The following WDPCP variants were observed in gnomAD, a reference collection of about 807,000 sequenced individuals.
WDPCP encodes the protein WD repeat containing planar cell polarity effector.
In WDPCP, 71 loss-of-function variants were observed where a neutral mutation model predicts 93.1. The observed-to-expected ratio is 0.76, with a 90% confidence interval of 0.63 to 0.93. The LOEUF (loss-of-function observed/expected upper bound fraction) is 0.93, where lower values mean the gene tolerates loss of function less well. Among genes scored for constraint, WDPCP ranks in the 40% least tolerant of loss-of-function variants. WDPCP has a pLI of 0.00. For missense variants in WDPCP, 844 were observed against 887.4 expected, an observed-to-expected ratio of 0.95 and a Z score of 0.62; for synonymous variants, 315 against 315.0, an observed-to-expected ratio of 1.00 and a Z score of 0.00.
intron 2 of WDPCP, chr2:63,717,100 A>G: frequency 3.2e-6 from 1 of 314,348 alleles, no homozygotes; most frequent in South Asian, 3.0e-5. Context: ...TTCTGTCTCC[A>G]CTATATTCTG....
At chr2:63,734,048 G>A (rs374105447) in intron 2 of WDPCP, among the ~76,000 whole-genome samples, 2 of 152,110 alleles carry the variant, frequency 1.3e-5, no homozygotes, top group East Asian at 3.8e-4. Flanking sequence ...TGTTTTTAAT[G>A]TCCATCCATG....
At chr2:63,597,665 T>C in intron 3 of WDPCP, 2 of 1,149,604 alleles carry the variant, frequency 1.7e-6, no homozygotes, top group South Asian at 3.6e-5. Context: ...TTATTTGCCC[T>C]TTTTTCTAGT....
chr2:63,585,019 G>T (rs1183395116), intron 1 of WDPCP, among the ~76,000 whole-genome samples: 1 of 152,148 alleles, frequency 6.6e-6, no homozygotes, highest in Admixed American at 6.5e-5. Context: ...ACTACGTAAT[G>T]ATCATGATTA....
intron 14 of WDPCP, among the ~76,000 whole-genome samples, chr2:63,219,912 G>T (rs1677672694): frequency 6.6e-6 from 1 of 152,056 alleles, no homozygotes; most frequent in Admixed American, 6.5e-5. Flanking sequence ...TGAGGCAGAA[G>T]AATCGCTTGA....
intron 14 of WDPCP, among the ~76,000 whole-genome samples, chr2:63,215,139 G>C (rs1173729831): frequency 6.6e-6 from 1 of 152,024 alleles, no homozygotes; most frequent in African/African-American, 2.4e-5. Flanking sequence ...AGTTCACATG[G>C]AACCAAAAAA....
chr2:63,211,413 G>A (rs1427116088), intron 14 of WDPCP, among the ~76,000 whole-genome samples: 1 of 152,068 alleles, frequency 6.6e-6, no homozygotes, highest in Non-Finnish European at 1.5e-5. Flanking sequence ...ACTTTTAGAA[G>A]GAAAACTAAC....
chr2:63,664,295 C>T (rs2106635018), intron 2 of WDPCP, among the ~76,000 whole-genome samples: 1 of 152,250 alleles, frequency 6.6e-6, no homozygotes, highest in Admixed American at 6.5e-5. Context: ...GGAAGAATGT[C>T]CAGGAAGATA....
chr2:63,344,165 T>C (rs1689034642), intron 12 of WDPCP, among the ~76,000 whole-genome samples: 1 of 152,336 alleles, frequency 6.6e-6, no homozygotes, highest in East Asian at 1.9e-4. Context: ...TGGTTTGCTA[T>C]TGTTACTGCT....
At chr2:63,543,252 CAT>C (rs1451506037) in intron 1 of WDPCP, among the ~76,000 whole-genome samples, 2 of 152,068 alleles carry the variant, frequency 1.3e-5, no homozygotes, top group Admixed American at 6.6e-5. Context: ...AGAAAAATAA[CAT>C]ATACGAATAC....
chr2:63,335,426 A>ATTT (rs34221663), intron 12 of WDPCP, among the ~76,000 whole-genome samples: 4,493 of 146,912 alleles, frequency 0.031, 196 homozygotes, highest in African/African-American at 0.096. Flanking sequence ...AGAATGAAAG[A>ATTT]TTTTTTTTTT....
At chr2:63,484,482 A>G (rs1700447724) in intron 6 of WDPCP, 122 bp downstream of exon 6, 3 of 1,061,278 alleles carry the variant, frequency 2.8e-6, no homozygotes, top group Non-Finnish European at 4.2e-6. Flanking sequence ...AATTCAAACT[A>G]TGAAATAACC....
intron 3 of WDPCP, among the ~76,000 whole-genome samples, chr2:63,594,028 C>T (rs1428180395): frequency 2.6e-5 from 4 of 152,272 alleles, no homozygotes; most frequent in Non-Finnish European, 4.4e-5. Context: ...AGTTGAAGCA[C>T]GATTAATTGT....
In WDPCP at chr2:63,533,624, G is replaced by A. The variant is rs1005662964; in HGVS notation, c.76-40684C>T. On this transcript the variant is annotated intron_variant, in intron 1 of 17. Transcript: ENST00000272321. ...CCTAAATAACTACTGGGTACATAAC[G>A]AAATGAAGGCAGAAATAAAGATGTG... Among the ~76,000 whole-genome samples the A allele has an allele frequency of 5.9e-5, 9 of 152,088 alleles. No homozygotes were observed. The East Asian group carries it at 7.7e-4, about 13-fold the overall frequency.
chr2:63,531,129 G>A (rs750177943), intron 1 of WDPCP, among the ~76,000 whole-genome samples: 3 of 152,242 alleles, frequency 2.0e-5, no homozygotes, highest in Non-Finnish European at 4.4e-5. Context: ...AGGCAGCAAC[G>A]AGGCTGGGGG....
At chr2:63,318,835 A>G (rs935074691) in intron 12 of WDPCP, among the ~76,000 whole-genome samples, 2 of 152,192 alleles carry the variant, frequency 1.3e-5, no homozygotes, top group South Asian at 2.1e-4. Context: ...TAGCATAGTT[A>G]TTCTGGGTGA....
intron 2 of WDPCP, chr2:63,717,525 G>T: frequency 2.1e-6 from 1 of 473,024 alleles, no homozygotes; most frequent in South Asian, 1.6e-5. Flanking sequence ...ACAAACTCAG[G>T]ACAGGTTGTC....
chr2:63,314,799 A>C (rs1295563177), intron 12 of WDPCP, among the ~76,000 whole-genome samples: 1 of 152,138 alleles, frequency 6.6e-6, no homozygotes, highest in East Asian at 1.9e-4. Flanking sequence ...CTCTTCCCTG[A>C]TCTCCAAATT....
chr2:63,516,845 TAA>T (rs1702586886), intron 1 of WDPCP, among the ~76,000 whole-genome samples: 2 of 152,096 alleles, frequency 1.3e-5, no homozygotes, highest in African/African-American at 4.8e-5. Flanking sequence ...TTCCCACTCT[TAA>T]CACAAACTCT....
At chr2:63,316,715 TA>T (rs1297935287) in intron 12 of WDPCP, among the ~76,000 whole-genome samples, 2 of 151,232 alleles carry the variant, frequency 1.3e-5, no homozygotes, top group Non-Finnish European at 3.0e-5. Flanking sequence ...AGAAAAGAAA[TA>T]AAAGGCATCT....
Sources: allele counts gnomAD v4.1 joint callset (sites outside exome capture counted in the v4.1 genomes callset), GRCh38; gene constraint gnomAD v4.1.1; transcripts MANE v1.5; gene names NCBI Gene and HGNC (gene_info 2026-07-23, HGNC 2026-07-21).